CPQ: variants seen among roughly 807,000 people sequenced by gnomAD.
CPQ encodes Ser-Met dipeptidase.
CPQ carries 37 observed loss-of-function variants against 45.7 expected under a neutral mutation model. The observed-to-expected ratio is 0.81, with a 90% CI of 0.62 to 1.07. CPQ has a LOEUF of 1.07. Ranked by LOEUF, CPQ falls within the 50% of genes least tolerant of loss-of-function variation. CPQ has a pLI of 0.00. For missense variants in CPQ, 537 were observed against 572.9 expected (o/e 0.94, Z 0.64); for synonymous variants, 186 against 205.8 (o/e 0.90, Z 0.82).
chr8:96,802,971 C>T (rs1401902231), intron 2 of CPQ, among the ~76,000 whole-genome samples: 26 of 150,470 alleles, frequency 1.7e-4, no homozygotes, highest in Admixed American at 1.3e-3. Context: ...AATCAAGGTT[C>T]TCAAAAGAAA....
intron 6 of CPQ, among the ~76,000 whole-genome samples, chr8:97,058,431 A>G (rs1159530429): frequency 6.6e-6 from 1 of 152,188 alleles, no homozygotes; most frequent in Non-Finnish European, 1.5e-5. Flanking sequence ...CAACAATGCC[A>G]TCAAAAACAA....
At chr8:97,058,460 T>A (rs916682165) in intron 6 of CPQ, among the ~76,000 whole-genome samples, 1 of 152,194 alleles carries the variant, frequency 6.6e-6, no homozygotes, top group Non-Finnish European at 1.5e-5. Context: ...TCTTTATGTG[T>A]TGGTTTATTT....
At chr8:96,817,689 C>G (rs4735438) in intron 2 of CPQ, among the ~76,000 whole-genome samples, 2 of 151,748 alleles carry the variant, frequency 1.3e-5, no homozygotes, top group South Asian at 4.2e-4. Flanking sequence ...TCCTGGCTCA[C>G]TGCAGCCTTG....
At chr8:96,776,470 A>G (rs1383269983) in intron 1 of CPQ, among the ~76,000 whole-genome samples, 2 of 152,186 alleles carry the variant, frequency 1.3e-5, no homozygotes, top group African/African-American at 2.4e-5. Context: ...TAGTCTCTCT[A>G]TCTTTTAGCA....
intron 4 of CPQ, among the ~76,000 whole-genome samples, chr8:96,959,171 TC>T (rs1813409117): frequency 2.0e-5 from 3 of 152,168 alleles, no homozygotes; most frequent in African/African-American, 7.2e-5. Context: ...AACATGGATT[TC>T]TTGAGAAGTG....
chr8:96,814,440 A>G (rs1461278406), intron 2 of CPQ, among the ~76,000 whole-genome samples: 1 of 152,232 alleles, frequency 6.6e-6, no homozygotes, highest in Non-Finnish European at 1.5e-5. Context: ...AGGCTCCACA[A>G]GAGCTTCATT....
At chr8:96,986,024 A>G (rs1054219628) in intron 5 of CPQ, among the ~76,000 whole-genome samples, 3 of 152,186 alleles carry the variant, frequency 2.0e-5, no homozygotes, top group Non-Finnish European at 4.4e-5. Flanking sequence ...AACATTACTG[A>G]TTGGAGCTCT....
At chr8:97,007,470 T>G (rs1026317312) in intron 5 of CPQ, among the ~76,000 whole-genome samples, 1 of 152,234 alleles carries the variant, frequency 6.6e-6, no homozygotes, top group African/African-American at 2.4e-5. Flanking sequence ...TTTTCAAAAC[T>G]GACAGTGTCT....
chr8:97,056,994 T>C (rs1810465028), intron 6 of CPQ, among the ~76,000 whole-genome samples: 1 of 152,126 alleles, frequency 6.6e-6, no homozygotes, highest in Admixed American at 6.6e-5. Flanking sequence ...GCTGGTAAAC[T>C]CTCCCCTCCT....
intron 1 of CPQ, among the ~76,000 whole-genome samples, chr8:96,734,315 C>T (rs1182145347): frequency 6.6e-6 from 1 of 152,212 alleles, no homozygotes; most frequent in Non-Finnish European, 1.5e-5. Flanking sequence ...GCAATAGCCT[C>T]TAACAGGCTT....
At chr8:96,959,158 G>GA (rs1355610765) in intron 4 of CPQ, among the ~76,000 whole-genome samples, 1 of 152,134 alleles carries the variant, frequency 6.6e-6, no homozygotes, top group Non-Finnish European at 1.5e-5. Context: ...TGGGGATTAT[G>GA]AAAACATGGA....
chr8:96,956,839 G>C (rs1398847325), intron 4 of CPQ, among the ~76,000 whole-genome samples: 1 of 152,178 alleles, frequency 6.6e-6, no homozygotes, highest in Non-Finnish European at 1.5e-5. Context: ...CAACACAGGA[G>C]TTATTAACTG....
intron 3 of CPQ, among the ~76,000 whole-genome samples, chr8:96,855,120 C>T (rs1296163278): frequency 2.0e-5 from 3 of 152,138 alleles, no homozygotes; most frequent in African/African-American, 4.8e-5. Flanking sequence ...CTTTCAGCTG[C>T]TTGAATAGGG....
chr8:97,119,328 C>CAAA (rs34998181), intron 7 of CPQ, among the ~76,000 whole-genome samples: 68 of 72,080 alleles, frequency 9.4e-4, no homozygotes, highest in Non-Finnish European at 1.2e-3. Context: ...GACTCCATCT[C>CAAA]AAAAAAAAAA....
At chr8:96,667,060 A>G (rs1458052461) in intron 1 of CPQ, among the ~76,000 whole-genome samples, 2 of 151,492 alleles carry the variant, frequency 1.3e-5, no homozygotes, top group Non-Finnish European at 2.9e-5. Flanking sequence ...GAATATTGCC[A>G]GAGTTATCTC....
At chr8:96,706,441 T>C (rs1809531842) in intron 1 of CPQ, among the ~76,000 whole-genome samples, 2 of 151,922 alleles carry the variant, frequency 1.3e-5, no homozygotes, top group Non-Finnish European at 2.9e-5. Flanking sequence ...AGTTAGCCCT[T>C]GAGGGTTGGG....
intron 1 of CPQ, among the ~76,000 whole-genome samples, chr8:96,759,288 C>T (rs1810367773): frequency 6.6e-6 from 1 of 152,136 alleles, no homozygotes; most frequent in African/African-American, 2.4e-5. Flanking sequence ...TTCCCCCAAA[C>T]CTCCAGTAAA....
intron 4 of CPQ, among the ~76,000 whole-genome samples, chr8:96,954,557 CT>C (rs1813321981): frequency 6.6e-6 from 1 of 151,834 alleles, no homozygotes; most frequent in African/African-American, 2.4e-5. Flanking sequence ...TTTGTGGTAT[CT>C]ATTAAGTTTT....
chr8:96,954,318 A>C (rs996510667), intron 4 of CPQ, among the ~76,000 whole-genome samples: 1 of 152,068 alleles, frequency 6.6e-6, no homozygotes, highest in Non-Finnish European at 1.5e-5. Context: ...CAATCGACTA[A>C]TGAGATTTAA....
Sources: allele counts gnomAD v4.1 joint callset (sites outside exome capture counted in the v4.1 genomes callset), GRCh38; gene constraint gnomAD v4.1.1; transcripts MANE v1.5; gene names NCBI Gene and HGNC (gene_info 2026-07-23, HGNC 2026-07-21).